TMC4: variants seen among roughly 807,000 people sequenced by gnomAD.
TMC4 encodes the protein voltage-gated chloride channel TMC4.
A neutral mutation model predicts 82.0 loss-of-function variants in TMC4; 70 were observed. That is an observed-to-expected ratio of 0.85 (90% CI 0.70 to 1.04). The LOEUF (loss-of-function observed/expected upper bound fraction) is 1.04. Ranked by LOEUF, TMC4 falls within the 50% of genes least tolerant of loss-of-function variation. TMC4 has a pLI of 0.00. For missense variants in TMC4, 879 were observed against 899.0 expected, an observed-to-expected ratio of 0.98 and a Z score of 0.28; for synonymous variants, 446 against 406.0, an observed-to-expected ratio of 1.10 and a Z score of -1.18.
At chr19:54,161,651 G>T (rs192083570) in intron 11 of TMC4, among the ~76,000 whole-genome samples, 6 of 152,294 alleles carry the variant, frequency 3.9e-5, no homozygotes, top group African/African-American at 1.4e-4. Flanking sequence ...CAATTCCCCT[G>T]CCTCAGCCTC....
chr19:54,166,692 G>A (rs1441630507), intron 5 of TMC4, among the ~76,000 whole-genome samples: 3 of 152,090 alleles, frequency 2.0e-5, no homozygotes, highest in South Asian at 2.1e-4. Flanking sequence ...GGTGGCTCAC[G>A]CCTGTAATCC....
intron 8 of TMC4, 38 bp downstream of exon 8, chr19:54,163,686 C>A (rs368700080): frequency 6.2e-7 from 1 of 1,612,240 alleles, no homozygotes; most frequent in Non-Finnish European, 8.5e-7. Flanking sequence ...ACCGCCCCCA[C>A]CCTTCATCAT....
intron 11 of TMC4, among the ~76,000 whole-genome samples, chr19:54,161,751 A>T (rs1304648310): frequency 6.6e-6 from 1 of 152,132 alleles, no homozygotes; most frequent in Admixed American, 6.5e-5. Flanking sequence ...CATGTTAGCC[A>T]GGCTGGTCTC....
intron 1 of TMC4, 93 bp downstream of exon 1, chr19:54,172,946 C>A: frequency 9.1e-7 from 1 of 1,101,742 alleles, no homozygotes; most frequent in Non-Finnish European, 1.3e-6. Flanking sequence ...AGCCCTCAGA[C>A]TCAGGAGGCC....
At chr19:54,169,969 C>T (rs975006891) in intron 2 of TMC4, among the ~76,000 whole-genome samples, 4 of 150,774 alleles carry the variant, frequency 2.7e-5, no homozygotes, top group African/African-American at 4.9e-5. Context: ...GGCCTGGTGG[C>T]GGGTGCCTGT....
In TMC4 at chr19:54,168,801, TCTTTTCTTTTC is replaced by T; in HGVS notation, c.443-132_443-122del. Reference sequence around the variant, plus strand: ...TTTCTTTCTTTTCTTTTCTTTCTTTTCTTTTCTTTTCTTTTCTTTTCTTTTCTTTTCTTTTC... The same window carrying T: ...TTTCTTTCTTTTCTTTTCTTTCTTTTTTTTCTTTTCTTTTCTTTTCTTTTC... On this transcript the variant is annotated intron_variant, in intron 3 of 14. Coordinates refer to ENST00000619895, the MANE Select transcript of TMC4 (RefSeq NM_144686.4). 4 of 33,424 alleles carry T rather than the reference TCTTTTCTTTTC, an allele frequency of 1.2e-4. 2 individuals are homozygous for T. The highest frequency in any genetic ancestry group is 9.3e-3 in the Middle Eastern group (2 of 216). The allele number at this position is 33,424 out of a possible 1,614,324, so 2.1% of individuals were successfully genotyped here.
intron 13 of TMC4, 79 bp downstream of exon 13, chr19:54,160,799 C>G: frequency 6.4e-7 from 1 of 1,552,450 alleles, no homozygotes; most frequent in Middle Eastern, 1.8e-4. Context: ...ACGCCCAAGC[C>G]TCTCCTCTCT....
chr19:54,172,756 A>G, intron 1 of TMC4: 1 of 369,668 alleles, frequency 2.7e-6, no homozygotes, highest in Non-Finnish European at 4.9e-6. Context: ...TTTTCCCTCT[A>G]GCTCAGGAGT....
At chr19:54,172,879 T>C (rs985282935) in intron 1 of TMC4, 160 bp downstream of exon 1, 7 of 663,004 alleles carry the variant, frequency 1.1e-5, no homozygotes, top group African/African-American at 3.7e-5. Context: ...ACCCTGGAGT[T>C]CCAGCCTCCA....
chr19:54,171,829 G>A (rs778147677), intron 2 of TMC4, 41 bp downstream of exon 2: 4 of 1,538,370 alleles, frequency 2.6e-6, no homozygotes, highest in South Asian at 2.5e-5. Context: ...AGAAGGGCCC[G>A]GTCCGGGCTG....
At chr19:54,160,845 C>G (rs1399314060) in intron 13 of TMC4, 33 bp downstream of exon 13, 1 of 1,610,472 alleles carries the variant, frequency 6.2e-7, no homozygotes, top group South Asian at 1.1e-5. Flanking sequence ...CACACGCATT[C>G]AAACCCAGAC....
At chr19:54,162,552 G>A in intron 10 of TMC4, 121 bp downstream of exon 10, 2 of 851,310 alleles carry the variant, frequency 2.3e-6, no homozygotes, top group Non-Finnish European at 3.9e-6. Context: ...CGGACCTAGG[G>A]CAAGCAAAGG....
intron 2 of TMC4, among the ~76,000 whole-genome samples, chr19:54,170,333 CAAAA>C (rs11365348): frequency 7.7e-5 from 9 of 117,528 alleles, no homozygotes; most frequent in Non-Finnish European, 7.3e-5. Flanking sequence ...AAGACTCTGT[CAAAA>C]AAAAAAAAAA....
rs776559614 is a variant in TMC4, at chr19:54,161,099, AG to A, written c.1817+30del. On this transcript the variant is annotated intron_variant, in intron 12 of 14. Transcript: ENST00000619895. ...CTGAACACTGAATGGGGAGAGAGGG[AG>A]GGAGAGAGGCGGGAGCCTCTCGCAC... 2.3e-5 allele frequency: 37 copies of A among 1,600,738 alleles called. No homozygotes were observed. In the Middle Eastern group the frequency reaches 8.3e-4, roughly 36 times the overall value.
intron 13 of TMC4, 44 bp downstream of exon 13, chr19:54,160,834 T>C (rs770424165): frequency 6.2e-7 from 1 of 1,605,670 alleles, no homozygotes; most frequent in Admixed American, 1.7e-5. Context: ...GGCCCCCAGA[T>C]CACACGCATT....
In TMC4 at chr19:54,165,534, G is replaced by A. The variant is rs771619724; in HGVS notation, c.830C>T (p.Ala277Val). 6.8e-6 allele frequency: 11 copies of A among 1,610,242 alleles called. No individual in the cohort carries two copies. Among genetic ancestry groups the A allele is most frequent in the South Asian group, 5.5e-5 (5 of 90,758 alleles). ...GTAGCTGGTCAGAGCCTCGGACTCC[G>A]CCAGCAGTGTCTGCTTCAGCCCAGA... ...SVSGLKQTLL[A>V]ESEALTSYSH... The change falls in exon 6 of 15, where the codon GCG becomes GTG. Residue 277 changes from alanine (A) to valine (V), a missense_variant. Coordinates refer to ENST00000619895, the MANE Select transcript of TMC4 (RefSeq NM_144686.4).
intron 5 of TMC4, 85 bp downstream of exon 5, chr19:54,168,086 C>A: frequency 7.0e-7 from 1 of 1,424,998 alleles, no homozygotes; most frequent in Non-Finnish European, 9.5e-7. Context: ...ACTGAGGATT[C>A]TTGGGGAGGG....
chr19:54,172,619 C>A, intron 1 of TMC4: 1 of 291,944 alleles, frequency 3.4e-6, no homozygotes, highest in Non-Finnish European at 6.2e-6. Context: ...GCCCCTCCTC[C>A]CTCAGGCCCA....
At position 54,168,489 on chromosome 19, in the gene TMC4, C is replaced by T; in HGVS notation, c.634G>A (p.Val212Ile). The T allele has an allele frequency of 6.5e-7, 1 of 1,547,002 alleles. No individual in the cohort carries two copies. The highest frequency in any genetic ancestry group is 8.7e-7 in the Non-Finnish European group (1 of 1,145,350). Residue 212 changes from valine to isoleucine, a missense_variant, in exon 4 of 15, where the codon GTC becomes ATC. Physicochemically the swap from Val to Ile is conservative, Grantham distance 29 (BLOSUM62 3). Transcript: ENST00000619895. ...TTGAAGAGCTGGGTGGCAAAGGTGA[C>T]CAGGCCCTGGGAGTGGGGGTTATAG... is the stretch of plus-strand genomic sequence containing the variant. ...GSYNPHSQGLVTFATQLFNLL... is the reference protein window; with the variant it reads ...GSYNPHSQGLITFATQLFNLL...
Sources: gnomAD v4.1 joint callset for allele counts (sites outside exome capture counted in the v4.1 genomes callset) on GRCh38, gnomAD v4.1.1 for gene constraint, MANE v1.5 for transcripts, NCBI Gene and HGNC (gene_info 2026-07-23, HGNC 2026-07-21) for gene names.